Variants in PRDM11 observed in about 807,000 individuals in gnomAD.
PRDM11 encodes the protein PR domain-containing protein 11.
Under a neutral mutation model 97.8 loss-of-function variants are expected in PRDM11, and 20 were observed. That is an observed-to-expected ratio of 0.20 (90% confidence interval 0.14 to 0.30). PRDM11 has a LOEUF of 0.30. PRDM11 is among the 10% of genes least tolerant of loss of function. PRDM11 has a pLI of 1.00. For synonymous variants in PRDM11, 599 were observed against 637.7 expected, an observed-to-expected ratio of 0.94 and a Z score of 0.91; for missense variants, 1,139 against 1,555.2, an observed-to-expected ratio of 0.73 and a Z score of 4.50.
At chr11:45,104,800 G>C (rs2135597296) in intron 1 of PRDM11, among the ~76,000 whole-genome samples, 1 of 152,296 alleles carries the variant, frequency 6.6e-6, no homozygotes, top group South Asian at 2.1e-4. Context: ...CCAGCCCTGA[G>C]GTTAATTCAG....
chr11:45,187,103 G>A (rs1270337349), intron 4 of PRDM11, among the ~76,000 whole-genome samples: 2 of 152,212 alleles, frequency 1.3e-5, no homozygotes, highest in Non-Finnish European at 2.9e-5. Context: ...CTGTGGTTCA[G>A]TTATGAGGAG....
intron 1 of PRDM11, among the ~76,000 whole-genome samples, chr11:45,166,949 T>C (rs1852079124): frequency 1.3e-5 from 2 of 152,256 alleles, no homozygotes; most frequent in African/African-American, 4.8e-5. Context: ...TTCACAGATA[T>C]TATTCTCTGA....
At chr11:45,126,613 T>C (rs1852579518) in intron 1 of PRDM11, among the ~76,000 whole-genome samples, 1 of 152,206 alleles carries the variant, frequency 6.6e-6, no homozygotes, top group Admixed American at 6.5e-5. Context: ...TTTGGCTGGA[T>C]GTGAAATCCT....
chr11:45,147,294 G>GGCGGGGCGCGGACGCC (rs1377514187), intron 1 of PRDM11: 3 of 151,446 alleles, frequency 2.0e-5, no homozygotes, highest in Admixed American at 1.3e-4. Context: ...ACACGGACGG[G>GGCGGGGCGCGGACGCC]GCGGGGCGCG....
At chr11:45,176,114 G>A (rs1368482566) in intron 1 of PRDM11, among the ~76,000 whole-genome samples, 3 of 152,132 alleles carry the variant, frequency 2.0e-5, no homozygotes, top group Non-Finnish European at 4.4e-5. Context: ...GGGTGTGGTA[G>A]CTCATGCCTG....
chr11:45,132,545 A>T (rs936221811), intron 1 of PRDM11, among the ~76,000 whole-genome samples: 1 of 152,244 alleles, frequency 6.6e-6, no homozygotes, highest in Non-Finnish European at 1.5e-5. Context: ...CATTAAGCAC[A>T]TCCCCAGCAC....
chr11:45,169,520 C>A (rs970156182), intron 1 of PRDM11, among the ~76,000 whole-genome samples: 2 of 152,246 alleles, frequency 1.3e-5, no homozygotes, highest in Non-Finnish European at 2.9e-5. Flanking sequence ...TCATTTATTT[C>A]TCATAACAGC....
chr11:45,181,749 C>T lies in PRDM11; in HGVS notation c.-6-12C>T, dbSNP rs747424519. 5.0e-5 allele frequency: 80 copies of T among 1,607,710 alleles called. No homozygotes were observed. The highest frequency in any genetic ancestry group is 6.5e-5 in the Non-Finnish European group (76 of 1,175,742). On this transcript the variant is annotated splice_polypyrimidine_tract_variant and intron_variant, in intron 1 of 7. Transcript: ENST00000683152. ...TCCTCTTCCTGTGCTGGTCCCACCT[C>T]CTGCGTCCCAGGACAGAATGACCGA...
At chr11:45,165,073 G>A (rs1485357569) in intron 1 of PRDM11, among the ~76,000 whole-genome samples, 4 of 152,164 alleles carry the variant, frequency 2.6e-5, no homozygotes, top group Non-Finnish European at 5.9e-5. Context: ...AGGCACAGAA[G>A]GTGAAATAAC....
At chr11:45,133,894 C>T (rs948358577) in intron 1 of PRDM11, among the ~76,000 whole-genome samples, 4 of 152,234 alleles carry the variant, frequency 2.6e-5, no homozygotes, top group African/African-American at 9.6e-5. Context: ...CAGCTAAGCA[C>T]TGCCACAGCC....
chr11:45,129,728 C>T (rs1852677084), intron 1 of PRDM11, among the ~76,000 whole-genome samples: 1 of 152,060 alleles, frequency 6.6e-6, no homozygotes, highest in South Asian at 2.1e-4. Context: ...AATTGATCTA[C>T]AGATTTTGTG....
intron 1 of PRDM11, among the ~76,000 whole-genome samples, chr11:45,173,057 T>C (rs1852239901): frequency 6.6e-6 from 1 of 152,192 alleles, no homozygotes; most frequent in Admixed American, 6.5e-5. Context: ...ATAAGTCAAA[T>C]GTCTGATCTT....
intron 5 of PRDM11, among the ~76,000 whole-genome samples, chr11:45,208,422 C>T (rs985460045): frequency 6.6e-6 from 1 of 152,200 alleles, no homozygotes; most frequent in African/African-American, 2.4e-5. Flanking sequence ...GTAAATATCG[C>T]TTTATAGAGG....
chr11:45,096,513 T>C (rs759968477), intron 1 of PRDM11, among the ~76,000 whole-genome samples: 2 of 152,006 alleles, frequency 1.3e-5, no homozygotes, highest in Non-Finnish European at 2.9e-5. Context: ...GCAGGCAGGG[T>C]CCTGGGATGT....
intron 1 of PRDM11, among the ~76,000 whole-genome samples, chr11:45,148,661 G>C (rs1415394046): frequency 6.6e-6 from 1 of 152,206 alleles, no homozygotes; most frequent in East Asian, 1.9e-4. Context: ...TTTGACCTGA[G>C]TTACAGTTCT....
chr11:45,224,151 T>C, intron 6 of PRDM11, 66 bp from the exon 7 acceptor site: 1 of 1,508,132 alleles, frequency 6.6e-7, no homozygotes, highest in Non-Finnish European at 8.8e-7. Flanking sequence ...GCCTGCTTTG[T>C]TTTCTGTTGG....
rs1854372157 is a variant in PRDM11, at chr11:45,230,142, A to G, written c.*1983A>G. The G allele has an allele frequency of 6.7e-6, 1 of 149,570 alleles. No homozygotes were observed. Among genetic ancestry groups the G allele is most frequent in the South Asian group, 2.1e-4 (1 of 4,800 alleles). The allele number at this position is 149,570 out of a possible 1,614,324, so 9.3% of individuals were successfully genotyped here. ...TATAAATATATTATATATATTATAT[A>G]TTATTTTTGAAATATTTTTGTTTGT... On this transcript the variant is annotated 3_prime_UTR_variant, in exon 8 of 8. Coordinates refer to ENST00000683152, the MANE Select transcript of PRDM11 (RefSeq NM_001384648.1).
intron 1 of PRDM11, among the ~76,000 whole-genome samples, chr11:45,103,602 A>AG (rs1468192457): frequency 6.6e-6 from 1 of 151,908 alleles, no homozygotes; most frequent in Non-Finnish European, 1.5e-5. Context: ...AGGGAGCTTG[A>AG]GGGGGCCTTT....
At position 45,227,815 on chromosome 11, in the gene PRDM11, TACAA is replaced by T. The variant is rs1447967207; in HGVS notation, c.3194_3197del (p.Lys1065ArgfsTer6). 1 of 1,533,928 alleles carries T rather than the reference TACAA, an allele frequency of 6.5e-7. No homozygotes were observed. On this transcript the variant is annotated frameshift_variant, in exon 8 of 8. Transcript: ENST00000683152. LOFTEE classifies it high-confidence loss of function. This position sits in a 1 kb window ranked among gnomAD's most constrained non-coding sequence, Gnocchi z 8.0. ...AGACCTGATCAGCCACATTTGCAAG[TACAA>T]ACAGAGGTTTCCACTCTTGAACAAG... is the stretch of plus-strand genomic sequence containing the variant.
Sources: allele counts gnomAD v4.1 joint callset (sites outside exome capture counted in the v4.1 genomes callset), GRCh38; gene constraint gnomAD v4.1.1; non-coding constraint Gnocchi (gnomAD v3.1); transcripts MANE v1.5; gene names NCBI Gene and HGNC (gene_info 2026-07-23, HGNC 2026-07-21).